Variants in SPIDR observed in about 807,000 individuals in gnomAD.
SPIDR encodes scaffold protein involved in DNA repair.
Under a neutral mutation model 104.6 loss-of-function variants are expected in SPIDR, and 93 were observed. That is an observed-to-expected ratio of 0.89 (90% CI 0.75 to 1.06). The LOEUF is 1.06. SPIDR is among the 50% of genes least tolerant of loss of function. SPIDR has a pLI of 0.00. For synonymous variants in SPIDR, 431 were observed against 416.9 expected (o/e 1.03, Z -0.41); for missense variants, 1,154 against 1,111.2 (o/e 1.04, Z -0.55).
At chr8:47,526,435 A>G (rs893167570) in intron 8 of SPIDR, among the ~76,000 whole-genome samples, 4 of 152,220 alleles carry the variant, frequency 2.6e-5, no homozygotes, top group African/African-American at 9.6e-5. Context: ...GGTCACAGGG[A>G]GCAAAATCTA....
chr8:47,676,516 C>A (rs1470774125), intron 11 of SPIDR, among the ~76,000 whole-genome samples: 1 of 114,786 alleles, frequency 8.7e-6, no homozygotes, highest in African/African-American at 2.5e-5. Context: ...AACATTCTCT[C>A]TCTTTTTTTT....
At chr8:47,470,757 C>T (rs577344216) in intron 8 of SPIDR, among the ~76,000 whole-genome samples, 49 of 151,376 alleles carry the variant, frequency 3.2e-4, no homozygotes, top group African/African-American at 1.1e-3. Flanking sequence ...TTTTTTGAGA[C>T]GGAGTCTGGC....
In SPIDR at chr8:47,341,792, A is replaced by G. The variant is rs554859618; in HGVS notation, c.525+47762A>G. On this transcript the variant is annotated intron_variant, in intron 5 of 19. Coordinates refer to ENST00000297423, the MANE Select transcript of SPIDR (RefSeq NM_001080394.4). ...GGAGCATTTTTCAGATTCCTTTGCT[A>G]GACCTTTATTGCCATCTATTATAAC... Among the ~76,000 whole-genome samples, 8 of 152,302 alleles carry G rather than the reference A, an allele frequency of 5.3e-5. No individual in the cohort carries two copies. In the South Asian group the frequency reaches 1.7e-3, roughly 32 times the overall value.
chr8:47,297,995 A>C (rs2041221329), intron 5 of SPIDR, among the ~76,000 whole-genome samples: 1 of 152,198 alleles, frequency 6.6e-6, no homozygotes, highest in South Asian at 2.1e-4. Context: ...GCTGGGTCAA[A>C]TGGTATTTCT....
chr8:47,602,598 G>C (rs1257143342), intron 10 of SPIDR, among the ~76,000 whole-genome samples: 1 of 152,148 alleles, frequency 6.6e-6, no homozygotes, highest in East Asian at 1.9e-4. Context: ...ATGAAACCCT[G>C]TGGTAAATTT....
chr8:47,704,429 T>A (rs1346339476), intron 14 of SPIDR, among the ~76,000 whole-genome samples: 1 of 152,168 alleles, frequency 6.6e-6, no homozygotes, highest in Non-Finnish European at 1.5e-5. Flanking sequence ...TGGTGGAGCC[T>A]GGTGTGGGTT....
At chr8:47,731,214 C>T (rs2085163992) in intron 19 of SPIDR, among the ~76,000 whole-genome samples, 2 of 151,696 alleles carry the variant, frequency 1.3e-5, no homozygotes, top group South Asian at 4.2e-4. Flanking sequence ...TGAGATTGTG[C>T]CATACTCCAG....
At chr8:47,508,107 C>T (rs1217748057) in intron 8 of SPIDR, among the ~76,000 whole-genome samples, 4 of 152,198 alleles carry the variant, frequency 2.6e-5, no homozygotes, top group Non-Finnish European at 4.4e-5. Context: ...CTTGCCTTAA[C>T]AAGCTATTCT....
chr8:47,507,722 G>A (rs1391359596), intron 8 of SPIDR, among the ~76,000 whole-genome samples: 1 of 152,194 alleles, frequency 6.6e-6, no homozygotes, highest in African/African-American at 2.4e-5. Context: ...CAGTTCATGT[G>A]GGTCCCATGG....
chr8:47,431,743 A>G (rs1489197894), intron 7 of SPIDR, among the ~76,000 whole-genome samples: 2 of 152,188 alleles, frequency 1.3e-5, no homozygotes, highest in Non-Finnish European at 2.9e-5. Flanking sequence ...TTTGGAGAAG[A>G]ATATTTTAAA....
intron 5 of SPIDR, chr8:47,360,694 T>A: frequency 8.5e-6 from 2 of 235,568 alleles, no homozygotes; most frequent in Non-Finnish European, 1.4e-5. Context: ...TCCAGATAAG[T>A]ATGTGAAATC....
chr8:47,711,425 G>A (rs1170282739), intron 14 of SPIDR, among the ~76,000 whole-genome samples: 1 of 151,946 alleles, frequency 6.6e-6, no homozygotes, highest in East Asian at 1.9e-4. Flanking sequence ...GCATGATCTT[G>A]GTGCACCACA....
At position 47,396,232 on chromosome 8, in the gene SPIDR, G is replaced by A; in HGVS notation, c.526-144G>A. On this transcript the variant is annotated intron_variant, in intron 5 of 19. Transcript: ENST00000297423. ...ACTTTTGGATTTTGTCAGAACAGAAGTTAAAGCTGCAGATACTGTATTCAA... is the reference window on the plus strand; with the variant it reads ...ACTTTTGGATTTTGTCAGAACAGAAATTAAAGCTGCAGATACTGTATTCAA... The A allele has an allele frequency of 5.6e-6, 4 of 714,264 alleles. No homozygotes were observed. The South Asian group carries it at 8.0e-5, about 14-fold the overall frequency. The allele number at this position is 714,264 out of a possible 1,614,324, so 44.2% of individuals were successfully genotyped here. A position where few individuals can be genotyped will look rare whatever the true frequency, so the allele number is the denominator to read the frequency against.
chr8:47,393,854 TTCCTTCCG>T (rs1403129577), intron 5 of SPIDR, among the ~76,000 whole-genome samples: 2 of 150,920 alleles, frequency 1.3e-5, no homozygotes, highest in Admixed American at 6.6e-5. Context: ...CCTTCCTTCC[TTCCTTCCG>T]TCCTTCCGTC....
intron 10 of SPIDR, among the ~76,000 whole-genome samples, chr8:47,662,560 A>G (rs972133461): frequency 2.0e-5 from 3 of 152,184 alleles, no homozygotes; most frequent in African/African-American, 7.2e-5. Flanking sequence ...TCTCTCTTCA[A>G]GCAAACTCCC....
intron 16 of SPIDR, among the ~76,000 whole-genome samples, chr8:47,715,308 C>T (rs570026664): frequency 6.6e-6 from 1 of 152,248 alleles, no homozygotes; most frequent in East Asian, 1.9e-4. Context: ...TCCCAAGTAG[C>T]TGGGATTACA....
In SPIDR at chr8:47,524,391, T is replaced by C. The variant is rs377585631; in HGVS notation, c.1098-71420T>C. ...TACATCCAGATTAAAATGTGTGTAT[T>C]TGGCATGTGGCTCACTGTTTCACAT... On this transcript the variant is annotated intron_variant, in intron 8 of 19. Transcript: ENST00000297423. Among the ~76,000 whole-genome samples the C allele has an allele frequency of 3.1e-3, 466 of 152,338 alleles. 1 individual carries two copies. Among genetic ancestry groups the C allele is most frequent in the African/African-American group, 0.011 (455 of 41,572 alleles).
intron 5 of SPIDR, among the ~76,000 whole-genome samples, chr8:47,355,019 G>A (rs1278940179): frequency 1.3e-5 from 2 of 150,552 alleles, no homozygotes; most frequent in African/African-American, 2.4e-5. Context: ...GCAGTGAAGC[G>A]ATCTCGGCTC....
intron 10 of SPIDR, among the ~76,000 whole-genome samples, chr8:47,651,921 C>A (rs1018413284): frequency 1.3e-5 from 2 of 152,026 alleles, no homozygotes; most frequent in African/African-American, 4.8e-5. Context: ...CAGAGGCATA[C>A]AAAGTGATAT....
Sources: gnomAD v4.1 joint callset for allele counts (sites outside exome capture counted in the v4.1 genomes callset) on GRCh38, gnomAD v4.1.1 for gene constraint, MANE v1.5 for transcripts, NCBI Gene and HGNC (gene_info 2026-07-23, HGNC 2026-07-21) for gene names.